Variants in FAM151A observed in about 807,000 individuals in gnomAD.
FAM151A encodes the protein protein FAM151A.
In FAM151A, 41 loss-of-function variants were observed where a neutral mutation model predicts 40.4. The ratio of observed to expected loss-of-function variants is 1.01; its 90% confidence interval spans 0.79 to 1.32. FAM151A has a LOEUF of 1.32. Among genes scored for constraint, FAM151A ranks in the 40% most tolerant of loss-of-function variants. The probability of loss-of-function intolerance (pLI) is 0.00; values close to 1 mark genes in which losing one functional copy is unlikely to be tolerated. For missense variants in FAM151A, 740 were observed against 740.4 expected (o/e 1.00, Z 0.01); for synonymous variants, 337 against 312.5 (o/e 1.08, Z -0.83).
chr1:54,620,883 G>A lies in FAM151A; in HGVS notation c.119-876C>T, dbSNP rs1247815707. On this transcript the variant is annotated intron_variant, in intron 1 of 7. Coordinates refer to ENST00000302250, the MANE Select transcript of FAM151A (RefSeq NM_176782.3). ...AAAAAAAAAAAAAAAAAAAAGGCTGGGTTTGGTGGCTCACACCTGTAATCC... is the reference window on the plus strand; with the variant it reads ...AAAAAAAAAAAAAAAAAAAAGGCTGAGTTTGGTGGCTCACACCTGTAATCC... Among the ~76,000 whole-genome samples, 6 of 115,754 alleles carry A rather than the reference G, an allele frequency of 5.2e-5. No individual in the cohort carries two copies. The East Asian group carries it at 1.3e-3, about 26-fold the overall frequency. The allele number at this position is 115,754 out of a possible 152,430, so 75.9% of individuals were successfully genotyped here.
In FAM151A at chr1:54,609,600, C is replaced by A. The variant is rs1190451892; in HGVS notation, c.1426G>T (p.Val476Leu). The A allele has an allele frequency of 1.9e-6, 3 of 1,613,172 alleles. No homozygotes were observed. Among genetic ancestry groups the A allele is most frequent in the Non-Finnish European group, 2.5e-6 (3 of 1,180,052 alleles). Reference protein sequence around the residue: ...AVAEVFPHVTVAPGWPEEVLG... With the variant: ...AVAEVFPHVTLAPGWPEEVLG... The stretch of plus-strand genomic sequence containing the variant: ...ACCTCCTCAGGCCAGCCTGGTGCCA[C>A]AGTCACGTGGGGGAAGACCTCAGCC... Residue 476 changes from valine to leucine, a missense_variant, in exon 8 of 8, where the codon GTG becomes TTG. Coordinates refer to ENST00000302250, the MANE Select transcript of FAM151A (RefSeq NM_176782.3).
chr1:54,615,406 AAGAG>A (rs1218223170), intron 3 of FAM151A, among the ~76,000 whole-genome samples: 1 of 152,182 alleles, frequency 6.6e-6, no homozygotes, highest in Non-Finnish European at 1.5e-5. Flanking sequence ...GGAGGGTTAA[AAGAG>A]AGGCGTGGCA....
intron 7 of FAM151A, 187 bp downstream of exon 7, chr1:54,610,225 G>C: frequency 7.0e-7 from 1 of 1,438,644 alleles, no homozygotes. Flanking sequence ...CTGAAGGCCA[G>C]GAGCCCTGTG....
Position 54,609,938 on chromosome 1 carries a change from G to A in FAM151A, c.1088C>T (p.Thr363Ile), listed in dbSNP as rs1417417579. 6.2e-7 allele frequency: 1 copy of A among 1,602,158 alleles called. No individual in the cohort carries two copies. The highest frequency in any genetic ancestry group is 1.3e-5 in the African/African-American group (1 of 74,986). Residue 363 changes from threonine to isoleucine, a missense_variant, in exon 8 of 8, where the codon ACA (threonine) becomes ATA (isoleucine). By Grantham distance (89) the Thr-to-Ile change is moderately conservative. Transcript: ENST00000302250. ...GKTATMTLPD[T>I]EGMILLNTGL... is the part of the protein sequence containing the mutation. ...AGTGTTCAGCAGGATCATGCCTTCT[G>A]TGTCTGGAAGAGGCGGCAGAGGCAA...
chr1:54,616,026 G>C lies in FAM151A; in HGVS notation c.409C>G (p.Gln137Glu), dbSNP rs747541842. ...QWLDAVLGSS[Q>E]KGIKLDFKNI... Reference sequence around the variant, plus strand: ...TTTCCAGAGAGGCCCTTACCCTTTTGGGAAGAGCCCAGCACAGCGTCCAGC... The same window carrying C: ...TTTCCAGAGAGGCCCTTACCCTTTTCGGAAGAGCCCAGCACAGCGTCCAGC... Residue 137 changes from glutamine (Q) to glutamate (E), a missense_variant, in exon 3 of 8, where the codon CAA becomes GAA. Physicochemically the swap from Gln to Glu is conservative, Grantham distance 29. Coordinates refer to ENST00000302250, the MANE Select transcript of FAM151A (RefSeq NM_176782.3). The C allele has an allele frequency of 1.9e-6, 3 of 1,613,720 alleles. No individual in the cohort carries two copies. The Admixed American group carries it at 5.0e-5, about 27-fold the overall frequency.
chr1:54,611,789 A>G lies in FAM151A; in HGVS notation c.801-44T>C, dbSNP rs775145266. 2.5e-6 allele frequency: 4 copies of G among 1,610,666 alleles called. No individual in the cohort carries two copies. The East Asian group carries it at 8.9e-5, about 36-fold the overall frequency. On this transcript the variant is annotated intron_variant, in intron 5 of 7. Transcript: ENST00000302250. ...GCTCAGTGCCTGTCTGGGCCCAGCA[A>G]GACCCTCAGCCCCACTCCTGTGCTC... is the stretch of plus-strand genomic sequence containing the variant.
intron 1 of FAM151A, 98 bp downstream of exon 1, chr1:54,623,176 TAAAA>T: frequency 1.5e-6 from 1 of 656,834 alleles, no homozygotes; most frequent in Non-Finnish European, 2.5e-6. Flanking sequence ...AAACTCCGTC[TAAAA>T]AAAAAAAAGG....
chr1:54,617,927 A>G (rs922498892), intron 2 of FAM151A, among the ~76,000 whole-genome samples: 1 of 150,700 alleles, frequency 6.6e-6, no homozygotes, highest in Non-Finnish European at 1.5e-5. Flanking sequence ...CGGTTTCACC[A>G]TATCAGTCAG....
At chr1:54,618,469 C>A (rs1343277247) in intron 2 of FAM151A, among the ~76,000 whole-genome samples, 1 of 152,138 alleles carries the variant, frequency 6.6e-6, no homozygotes, top group Non-Finnish European at 1.5e-5. Flanking sequence ...CACACCAGTG[C>A]ACTCCAGCCT....
At chr1:54,618,793 G>T (rs1368775890) in intron 2 of FAM151A, among the ~76,000 whole-genome samples, 1 of 152,154 alleles carries the variant, frequency 6.6e-6, no homozygotes, top group Non-Finnish European at 1.5e-5. Flanking sequence ...CTAGCTTCCA[G>T]TCCCCACCCT....
intron 6 of FAM151A, chr1:54,610,882 G>A (rs1433796247): frequency 8.1e-6 from 8 of 985,206 alleles, no homozygotes; most frequent in Middle Eastern, 5.2e-4. Context: ...GCTTAACTGC[G>A]GCTCTTCTGG....
chr1:54,623,416 GC>G lies in FAM151A; in HGVS notation c.-22del. On this transcript the variant is annotated 5_prime_UTR_variant, in exon 1 of 8. Coordinates refer to ENST00000302250, the MANE Select transcript of FAM151A (RefSeq NM_176782.3). ...ACCATGGCGACGCTCTCTGGGGAATGCCCCCAACTCCGTGCGGCCCAGAGTC... is the reference window on the plus strand; with the variant it reads ...ACCATGGCGACGCTCTCTGGGGAATGCCCCAACTCCGTGCGGCCCAGAGTC... 1 of 1,586,522 alleles carries G rather than the reference GC, an allele frequency of 6.3e-7. No individual in the cohort carries two copies. The highest frequency in any genetic ancestry group is 1.1e-5 in the South Asian group (1 of 90,336).
At chr1:54,621,285 C>T (rs1453578216) in intron 1 of FAM151A, among the ~76,000 whole-genome samples, 1 of 151,978 alleles carries the variant, frequency 6.6e-6, no homozygotes, top group Non-Finnish European at 1.5e-5. Context: ...GGTGAAACCC[C>T]ATCTCTACTA....
At chr1:54,620,522 A>G (rs907614545) in intron 1 of FAM151A, among the ~76,000 whole-genome samples, 2 of 151,842 alleles carry the variant, frequency 1.3e-5, no homozygotes, top group African/African-American at 4.8e-5. Context: ...CCTGGCCAAC[A>G]TGGTGAAACC....
chr1:54,620,448 G>A (rs1472329303), intron 1 of FAM151A, among the ~76,000 whole-genome samples: 4 of 152,246 alleles, frequency 2.6e-5, no homozygotes, highest in Non-Finnish European at 4.4e-5. Context: ...GCTCATGCCT[G>A]TAATCCCAGC....
intron 7 of FAM151A, 112 bp downstream of exon 7, chr1:54,610,300 G>T: frequency 1.3e-6 from 2 of 1,533,258 alleles, no homozygotes; most frequent in Non-Finnish European, 1.7e-6. Flanking sequence ...TCCAGGGTAT[G>T]GTGTAAATAA....
At chr1:54,611,483 T>C (rs1644117485) in intron 6 of FAM151A, 123 bp downstream of exon 6, 1 of 933,890 alleles carries the variant, frequency 1.1e-6, no homozygotes, top group Non-Finnish European at 1.6e-6. Context: ...TGCAGCCGCC[T>C]CCTGTCCCAC....
At chr1:54,620,845 CAA>C (rs767625864) in intron 1 of FAM151A, among the ~76,000 whole-genome samples, 143 of 12,074 alleles carry the variant, frequency 0.012, no homozygotes, top group Middle Eastern at 0.12. Context: ...GAGACTCTGT[CAA>C]AAAAAAAAAA....
intron 7 of FAM151A, 192 bp downstream of exon 7, chr1:54,610,220 G>A (rs1644102149): frequency 1.4e-6 from 2 of 1,437,348 alleles, no homozygotes; most frequent in East Asian, 2.5e-5. Flanking sequence ...CTGGTCTGAA[G>A]GCCAGGAGCC....
Sources: allele counts gnomAD v4.1 joint callset (sites outside exome capture counted in the v4.1 genomes callset), GRCh38; gene constraint gnomAD v4.1.1; transcripts MANE v1.5; gene names NCBI Gene and HGNC (gene_info 2026-07-23, HGNC 2026-07-21).